The following ASB12 variants were observed in gnomAD, a reference collection of about 807,000 sequenced individuals.
ASB12 encodes the protein ankyrin repeat and SOCS box containing 12.
ASB12 carries 17 observed loss-of-function variants against 13.7 expected under a neutral mutation model. The ratio of observed to expected loss-of-function variants is 1.24; its 90% CI spans 0.85 to 1.86. ASB12 has a LOEUF of 1.86. ASB12 is among the 40% of genes most tolerant of loss of function. ASB12 has a pLI of 0.00. For synonymous variants in ASB12, 107 were observed against 99.8 expected, an observed-to-expected ratio of 1.07 and a Z score of -0.43; for missense variants, 329 against 250.5, an observed-to-expected ratio of 1.31 and a Z score of -2.11.
In ASB12 at chrX:64,225,087, G is replaced by A. The variant is rs773954278; in HGVS notation, c.564C>T (p.Ala188=). Residue 188 remains alanine, a synonymous_variant, in exon 2 of 3, where the codon GCC becomes GCT. Coordinates refer to ENST00000362002, the MANE Select transcript of ASB12 (RefSeq NM_130388.4). ...IASCSGPLYL[A]AVYGHLDCFR... ...AACAGTCCAGGTGCCCGTAGACTGC[G>A]GCCAAATAGAGGGGGCCAGAACATG... 8.3e-6 allele frequency: 10 copies of A among 1,211,468 alleles called. No individual in the cohort carries two copies. Among genetic ancestry groups the A allele is most frequent in the East Asian group, 3.0e-5 (1 of 33,821 alleles).
At position 64,224,459 on chromosome X, in the gene ASB12, C is replaced by T. The variant is rs1298256142; in HGVS notation, c.833G>A (p.Arg278Gln). 1.3e-5 allele frequency: 16 copies of T among 1,206,983 alleles called. No individual in the cohort carries two copies. Among genetic ancestry groups the T allele is most frequent in the Non-Finnish European group, 1.5e-5 (13 of 893,517 alleles). ...ALLLQARATP[R>Q]SLLSQVRLVV... ...TAAACGGACCTGTGATAGAAGTGAC[C>T]GTGGAGTGGCTACAGCAAGAAGAAA... The change falls in exon 3 of 3, where the codon CGG becomes CAG. Residue 278 changes from arginine (R) to glutamine (Q), a missense_variant. By Grantham distance (43) the Arg-to-Gln change is conservative. Transcript: ENST00000362002.
chrX:64,224,371 A>G lies in ASB12; in HGVS notation c.921T>C (p.Pro307=). 5.0e-6 allele frequency: 6 copies of G among 1,210,389 alleles called. No individual in the cohort carries two copies. Among genetic ancestry groups the G allele is most frequent in the Non-Finnish European group, 6.7e-6 (6 of 894,596 alleles). Residue 307 remains proline (P), a synonymous_variant, in exon 3 of 3, where the codon CCT becomes CCC. Transcript: ENST00000362002. ...QPQAINQLDI[P]PMLISYLKHQ... ...GTTTTAGGTAGCTAATCAACATGGGAGGAATATCCAGCTGGTTGATGGCTT... is the reference window on the plus strand; with the variant it reads ...GTTTTAGGTAGCTAATCAACATGGGGGGAATATCCAGCTGGTTGATGGCTT...
At chrX:64,228,677 C>A in intron 1 of ASB12, among the ~76,000 whole-genome samples, 1 of 111,834 alleles carries the variant, frequency 8.9e-6, no homozygotes, top group Middle Eastern at 4.6e-3. Flanking sequence ...TTTTCTAAGG[C>A]TATTGCTCCC....
At chrX:64,226,764 C>G in intron 1 of ASB12, 1 of 753,788 alleles carries the variant, frequency 1.3e-6, no homozygotes. Context: ...GTCATCAGGG[C>G]GAGCTGGCAG....
At chrX:64,227,779 A>G (rs763803099) in intron 1 of ASB12, among the ~76,000 whole-genome samples, 6 of 111,972 alleles carry the variant, frequency 5.4e-5, no homozygotes, top group Non-Finnish European at 9.4e-5. Context: ...AACTTGATCC[A>G]TATATCATTT....
chrX:64,225,253 C>T lies in ASB12; in HGVS notation c.398G>A (p.Gly133Asp). The T allele has an allele frequency of 8.3e-7, 1 of 1,211,206 alleles. No homozygotes were observed. Among genetic ancestry groups the T allele is most frequent in the South Asian group, 1.8e-5 (1 of 56,814 alleles). Residue 133 changes from glycine (G) to aspartate (D), a missense_variant, in exon 2 of 3, where the codon GGT (glycine) becomes GAT (aspartate). By Grantham distance (94) the Gly-to-Asp change is moderately conservative. Coordinates refer to ENST00000362002, the MANE Select transcript of ASB12 (RefSeq NM_130388.4). ...AGAACAGTTGTTGTAGATGCTACCACCAGGAGAGGCACCAGCTTCCAAAAG... is the reference window on the plus strand; with the variant it reads ...AGAACAGTTGTTGTAGATGCTACCATCAGGAGAGGCACCAGCTTCCAAAAG... ...RVLLEAGASP[G>D]GSIYNNCSPV...
In ASB12 at chrX:64,224,938, T is replaced by C; in HGVS notation, c.713A>G (p.Glu238Gly). The change falls in exon 2 of 3, where the codon GAG (glutamate) becomes GGG (glycine). Residue 238 changes from glutamate (E) to glycine (G), a missense_variant. Transcript: ENST00000362002. ...AAAATCGATTAACAGCTGGATATAC[T>C]CTGGCTCACAATTATGATGGAGGCA... ...EICLHHNCEP[E>G]YIQLLIDFGA... is the part of the protein sequence containing the mutation. 1 of 1,211,633 alleles carries C rather than the reference T, an allele frequency of 8.3e-7. No individual in the cohort carries two copies.
intron 1 of ASB12, among the ~76,000 whole-genome samples, chrX:64,228,449 C>T (rs1304535811): frequency 8.9e-6 from 1 of 111,974 alleles, no homozygotes; most frequent in Non-Finnish European, 1.9e-5. Context: ...TCTGCTTCTA[C>T]CCCAGCTCTA....
intron 1 of ASB12, among the ~76,000 whole-genome samples, chrX:64,227,969 C>A (rs1930979785): frequency 8.9e-6 from 1 of 112,662 alleles, no homozygotes; most frequent in Non-Finnish European, 1.9e-5. Flanking sequence ...TCTAGGCCCC[C>A]ACTGCCTTTT....
Position 64,225,437 on chromosome X carries a change from C to A in ASB12, c.214G>T (p.Val72Phe). The A allele has an allele frequency of 8.3e-7, 1 of 1,209,989 alleles. No individual in the cohort carries two copies. The highest frequency in any genetic ancestry group is 1.1e-6 in the Non-Finnish European group (1 of 894,682). ...GCCAAGCGCAAGGGTGTCCCAGGAA[C>A]ACCCCAGCCACTCCTGCTGTTGATG... Reference protein sequence around the residue: ...RFINSRSGWGVPGTPLRLAAS... With the variant: ...RFINSRSGWGFPGTPLRLAAS... The change falls in exon 2 of 3, where the codon GTT becomes TTT. Residue 72 changes from valine to phenylalanine, a missense_variant. Val to Phe is a conservative substitution (Grantham distance 50, BLOSUM62 -1). Transcript: ENST00000362002.
At chrX:64,226,951 A>T (rs1275696868) in intron 1 of ASB12, among the ~76,000 whole-genome samples, 1 of 110,624 alleles carries the variant, frequency 9.0e-6, no homozygotes, top group African/African-American at 3.3e-5. Context: ...CCTAAACTTT[A>T]GGCCCCTCCC....
In ASB12 at chrX:64,224,995, C is replaced by T. The variant is rs750493338; in HGVS notation, c.656G>A (p.Arg219His). The change falls in exon 2 of 3, where the codon CGT becomes CAT. Residue 219 changes from arginine to histidine, a missense_variant. Arg to His is a conservative substitution (Grantham distance 29, BLOSUM62 0). Transcript: ENST00000362002. ...YNCTDQGLLA[R>H]VPRPRTLLEI... ...AAGGAGGGTGCGGGGTCTTGGGACA[C>T]GAGCCAATAGGCCCTGGTCAGTGCA... 4.7e-5 allele frequency: 57 copies of T among 1,203,311 alleles called. No individual in the cohort carries two copies. The highest frequency in any genetic ancestry group is 2.3e-4 in the Middle Eastern group (1 of 4,327).
intron 1 of ASB12, among the ~76,000 whole-genome samples, chrX:64,229,113 C>A (rs1006517765): frequency 1.8e-5 from 2 of 111,758 alleles, no homozygotes; most frequent in Admixed American, 9.5e-5. Context: ...GGATCTTCAG[C>A]TTTTGAGTGT....
chrX:64,229,644 G>A (rs1231636328), intron 1 of ASB12, among the ~76,000 whole-genome samples: 7 of 111,957 alleles, frequency 6.3e-5, no homozygotes, highest in Non-Finnish European at 1.3e-4. Flanking sequence ...ATTAAAATGT[G>A]ACTGTCAAAA....
Position 64,225,470 on chromosome X carries a change from T to C in ASB12, c.181A>G (p.Lys61Glu). 8.3e-7 allele frequency: 1 copy of C among 1,211,171 alleles called. No individual in the cohort carries two copies. The highest frequency in any genetic ancestry group is 1.1e-6 in the Non-Finnish European group (1 of 895,288). ...LDQLLRQERY[K>E]RFINSRSGWG... ...CCACTCCTGCTGTTGATGAAACGTT[T>C]GTAACGCTCCTGGCGCAAAAGCTGG... is the stretch of plus-strand genomic sequence containing the variant. The change falls in exon 2 of 3, where the codon AAA becomes GAA. Residue 61 changes from lysine (K) to glutamate (E), a missense_variant. Coordinates refer to ENST00000362002, the MANE Select transcript of ASB12 (RefSeq NM_130388.4).
rs145118752 is a variant in ASB12 at position 64,225,418 on chromosome X, C to A, written c.233G>T (p.Arg78Leu). 6 of 1,208,909 alleles carry A rather than the reference C, an allele frequency of 5.0e-6. No homozygotes were observed. Among genetic ancestry groups the A allele is most frequent in the Non-Finnish European group, 1.1e-6 (1 of 894,209 alleles). The change falls in exon 2 of 3, where the codon CGC becomes CTC. Residue 78 changes from arginine (R) to leucine (L), a missense_variant. Coordinates refer to ENST00000362002, the MANE Select transcript of ASB12 (RefSeq NM_130388.4). ...SGWGVPGTPL[R>L]LAASYGHLSC... ...CAAGTGGCCATAAGAAGCAGCCAAG[C>A]GCAAGGGTGTCCCAGGAACACCCCA... is the stretch of plus-strand genomic sequence containing the variant.
intron 2 of ASB12, 126 bp from the exon 3 acceptor site, chrX:64,224,594 A>T: frequency 1.1e-6 from 1 of 900,412 alleles, no homozygotes; most frequent in Non-Finnish European, 1.5e-6. Context: ...ATAAACAGTC[A>T]TTGGCAGAGC....
chrX:64,226,248 C>CTT (rs1318658151), intron 1 of ASB12, among the ~76,000 whole-genome samples: 1 of 112,246 alleles, frequency 8.9e-6, no homozygotes. Context: ...GGGGCAAGCC[C>CTT]TTAACTCCAT....
At chrX:64,229,308 A>T (rs1210193855) in intron 1 of ASB12, among the ~76,000 whole-genome samples, 2 of 112,116 alleles carry the variant, frequency 1.8e-5, no homozygotes, top group Admixed American at 1.9e-4. Flanking sequence ...AGCCCACAGC[A>T]GAGCTCATAT....
Sources: allele counts gnomAD v4.1 joint callset (sites outside exome capture counted in the v4.1 genomes callset), GRCh38; gene constraint gnomAD v4.1.1; transcripts MANE v1.5; gene names NCBI Gene and HGNC (gene_info 2026-07-23, HGNC 2026-07-21).